Variants in FAF1 observed in about 807,000 individuals in gnomAD.
FAF1 encodes FAS-associated factor 1.
In FAF1, 25 loss-of-function variants were observed where a neutral mutation model predicts 92.5. The observed-to-expected ratio is 0.27, with a 90% CI of 0.20 to 0.38. FAF1 has a LOEUF of 0.38. Ranked by LOEUF, FAF1 falls within the 10% of genes least tolerant of loss-of-function variation. The probability of loss-of-function intolerance (pLI) is 1.00; values close to 1 mark genes in which losing one functional copy is unlikely to be tolerated. For missense variants in FAF1, 636 were observed against 793.3 expected (o/e 0.80, Z 2.38); for synonymous variants, 234 against 273.2 (o/e 0.86, Z 1.42).
At chr1:50,750,241 A>G (rs1043878391) in intron 4 of FAF1, among the ~76,000 whole-genome samples, 3 of 152,252 alleles carry the variant, frequency 2.0e-5, no homozygotes, top group Non-Finnish European at 4.4e-5. Flanking sequence ...AGATGTCATC[A>G]AGAACAAATC....
chr1:50,604,868 TAACA>T (rs1367380902), intron 8 of FAF1, among the ~76,000 whole-genome samples: 6 of 152,208 alleles, frequency 3.9e-5, no homozygotes, highest in Non-Finnish European at 8.8e-5. Context: ...TGTAAAATAC[TAACA>T]AATATCTTGA....
At chr1:50,630,235 CAA>C (rs906974331) in intron 8 of FAF1, among the ~76,000 whole-genome samples, 1 of 152,076 alleles carries the variant, frequency 6.6e-6, no homozygotes, top group African/African-American at 2.4e-5. Flanking sequence ...AGTCAAGTCA[CAA>C]AAATACTCCA....
chr1:50,786,515 G>A (rs942898142), intron 4 of FAF1, among the ~76,000 whole-genome samples: 8 of 152,302 alleles, frequency 5.3e-5, no homozygotes, highest in African/African-American at 1.9e-4. Flanking sequence ...ATGAAAAAGT[G>A]CATAAACAAT....
chr1:50,948,935 T>C (rs183618604), intron 1 of FAF1, among the ~76,000 whole-genome samples: 3 of 152,264 alleles, frequency 2.0e-5, no homozygotes, highest in East Asian at 3.9e-4. Context: ...CATGATCCAA[T>C]ATCTACCTCT....
At chr1:50,530,238 GGTGTGTGTGTGTGTGTGTGTGT>G (rs72220248) in intron 15 of FAF1, among the ~76,000 whole-genome samples, 1 of 141,590 alleles carries the variant, frequency 7.1e-6, no homozygotes, top group Non-Finnish European at 1.5e-5. Flanking sequence ...TTTAAGAAGT[GGTGTGTGTGTGTGTGTGTGTGT>G]GTGTGTGTGT....
intron 6 of FAF1, among the ~76,000 whole-genome samples, chr1:50,725,033 G>A (rs1193088069): frequency 1.3e-5 from 2 of 152,182 alleles, no homozygotes; most frequent in Non-Finnish European, 2.9e-5. Flanking sequence ...TTTCGATTTA[G>A]ATCTAGAGCA....
At chr1:50,649,703 C>A (rs1654765854) in intron 8 of FAF1, among the ~76,000 whole-genome samples, 1 of 145,214 alleles carries the variant, frequency 6.9e-6, no homozygotes, top group African/African-American at 2.6e-5. Flanking sequence ...AGCACTTTGA[C>A]AGGCCGAGGC....
At chr1:50,540,470 T>C (rs1233637837) in intron 13 of FAF1, among the ~76,000 whole-genome samples, 2 of 152,232 alleles carry the variant, frequency 1.3e-5, no homozygotes. Flanking sequence ...TTTACAATTA[T>C]GTTTTCTCCA....
At chr1:50,558,071 G>C (rs1572832693) in intron 13 of FAF1, among the ~76,000 whole-genome samples, 1 of 151,954 alleles carries the variant, frequency 6.6e-6, no homozygotes, top group East Asian at 1.9e-4. Flanking sequence ...GCTAGTTTTT[G>C]TATTTTTAGT....
At chr1:50,687,410 A>G (rs1569765289) in intron 7 of FAF1, among the ~76,000 whole-genome samples, 1 of 151,956 alleles carries the variant, frequency 6.6e-6, no homozygotes, top group Non-Finnish European at 1.5e-5. Context: ...TTGCATAGAC[A>G]TTCCTCCAAA....
chr1:50,888,057 GC>G (rs1242057920), intron 1 of FAF1, among the ~76,000 whole-genome samples: 1 of 152,132 alleles, frequency 6.6e-6, no homozygotes, highest in Non-Finnish European at 1.5e-5. Context: ...ACTTCATTGA[GC>G]AGTGGTTTGT....
chr1:50,950,383 G>A (rs1312484278), intron 1 of FAF1, among the ~76,000 whole-genome samples: 1 of 152,128 alleles, frequency 6.6e-6, no homozygotes, highest in Non-Finnish European at 1.5e-5. Context: ...GATTTCATGG[G>A]GGGAGCGGAG....
Position 50,440,234 on chromosome 1 carries a change from G to C in FAF1, c.*1206C>G, listed in dbSNP as rs1350013896. ...ATCATTGGCTGTGAAGGTATAAACGGTGTTCTCATGATCTAAACCCCAAAC... is the reference window on the plus strand; with the variant it reads ...ATCATTGGCTGTGAAGGTATAAACGCTGTTCTCATGATCTAAACCCCAAAC... On this transcript the variant is annotated 3_prime_UTR_variant, in exon 19 of 19. Coordinates refer to ENST00000396153, the MANE Select transcript of FAF1 (RefSeq NM_007051.3). The C allele has an allele frequency of 2.6e-5, 4 of 152,154 alleles. No homozygotes were observed. Among genetic ancestry groups the C allele is most frequent in the Non-Finnish European group, 5.9e-5 (4 of 68,038 alleles). 9.4% of individuals were successfully genotyped at this position (152,154 alleles called of 1,614,324 possible).
intron 4 of FAF1, among the ~76,000 whole-genome samples, chr1:50,745,400 G>GA (rs1659547663): frequency 6.6e-6 from 1 of 152,194 alleles, no homozygotes; most frequent in African/African-American, 2.4e-5. Flanking sequence ...AAGAATTTCA[G>GA]AAAAGAAAAA....
At chr1:50,691,337 G>T (rs1656913378) in intron 7 of FAF1, among the ~76,000 whole-genome samples, 1 of 151,816 alleles carries the variant, frequency 6.6e-6, no homozygotes, top group African/African-American at 2.4e-5. Context: ...CCATCTCCCG[G>T]GTTCAAGTGA....
intron 11 of FAF1, 99 bp from the exon 12 acceptor site, chr1:50,582,798 T>C (rs1015058704): frequency 1.3e-5 from 10 of 752,612 alleles, no homozygotes; most frequent in African/African-American, 8.7e-5. Flanking sequence ...TTGGGGCTAA[T>C]GTCTAGTGCA....
chr1:50,724,369 A>G (rs77460775), intron 6 of FAF1, among the ~76,000 whole-genome samples: 3,014 of 151,380 alleles, frequency 0.02, 97 homozygotes, highest in African/African-American at 0.07. Context: ...TGCTAGGACG[A>G]GGGCTAGGAG....
chr1:50,906,722 T>C (rs915383444), intron 1 of FAF1, among the ~76,000 whole-genome samples: 2 of 152,230 alleles, frequency 1.3e-5, no homozygotes, highest in African/African-American at 4.8e-5. Context: ...TTTTTGCACA[T>C]TGATTTTGTA....
intron 5 of FAF1, among the ~76,000 whole-genome samples, chr1:50,739,284 A>G (rs944213089): frequency 6.6e-6 from 1 of 152,176 alleles, no homozygotes; most frequent in African/African-American, 2.4e-5. Flanking sequence ...GCATACATAT[A>G]CATATGTACA....
Sources: allele counts gnomAD v4.1 joint callset (sites outside exome capture counted in the v4.1 genomes callset), GRCh38; gene constraint gnomAD v4.1.1; transcripts MANE v1.5; gene names NCBI Gene and HGNC (gene_info 2026-07-23, HGNC 2026-07-21).